Variants in ANAPC10 observed in about 807,000 individuals in gnomAD.
ANAPC10 encodes the protein anaphase promoting complex subunit 10.
A neutral mutation model predicts 22.0 loss-of-function variants in ANAPC10; 12 were observed. That is an observed-to-expected ratio of 0.55 (90% CI 0.35 to 0.88). The LOEUF is 0.88. Ranked by LOEUF, ANAPC10 falls within the 40% of genes least tolerant of loss-of-function variation. The pLI, the probability that ANAPC10 is intolerant of heterozygous loss-of-function variation, is 0.01. For missense variants in ANAPC10, 188 were observed against 220.9 expected (o/e 0.85, Z 0.94); for synonymous variants, 65 against 69.5 (o/e 0.94, Z 0.32).
intron 4 of ANAPC10, among the ~76,000 whole-genome samples, chr4:145,030,347 C>T (rs2081470): frequency 1.7e-4 from 26 of 152,170 alleles, no homozygotes; most frequent in Non-Finnish European, 2.9e-5. Context: ...CACTACATTA[C>T]CAACAATTTA....
chr4:145,019,297 C>A (rs888140041), intron 4 of ANAPC10, among the ~76,000 whole-genome samples: 2 of 152,100 alleles, frequency 1.3e-5, no homozygotes, highest in South Asian at 2.1e-4. Context: ...CCAAAAGGAA[C>A]CTTCAAAACA....
intron 4 of ANAPC10, among the ~76,000 whole-genome samples, chr4:145,010,692 G>A (rs1028449882): frequency 6.6e-6 from 1 of 151,980 alleles, no homozygotes; most frequent in East Asian, 1.9e-4. Flanking sequence ...GAAAGAGGGG[G>A]AGGGATAGCA....
At chr4:145,023,823 A>C (rs147513253) in intron 4 of ANAPC10, among the ~76,000 whole-genome samples, 1 of 152,154 alleles carries the variant, frequency 6.6e-6, no homozygotes, top group Non-Finnish European at 1.5e-5. Context: ...GAAATTTCTT[A>C]AAATAAGACA....
At position 144,995,207 on chromosome 4, in the gene ANAPC10, A is replaced by C. The variant is rs1242836638; in HGVS notation, c.*166T>G. 2.3e-6 allele frequency: 1 copy of C among 432,954 alleles called. No homozygotes were observed. The highest frequency in any genetic ancestry group is 4.0e-6 in the Non-Finnish European group (1 of 249,008). The allele number at this position is 432,954 out of a possible 1,614,324, so 26.8% of individuals were successfully genotyped here. A position where few individuals can be genotyped will look rare whatever the true frequency, so the allele number is the denominator to read the frequency against. The stretch of plus-strand genomic sequence containing the variant: ...GCTTTATTACATGTTAAAGAAAATA[A>C]AGATAATATGACCCCAAATTTATTT... On this transcript the variant is annotated 3_prime_UTR_variant, in exon 5 of 5. Transcript: ENST00000507656.
At chr4:145,012,634 A>C (rs1373766392) in intron 4 of ANAPC10, among the ~76,000 whole-genome samples, 1 of 152,206 alleles carries the variant, frequency 6.6e-6, no homozygotes, top group Non-Finnish European at 1.5e-5. Context: ...ATCTGAATAG[A>C]ATGACATTTA....
chr4:145,088,078 T>C (rs1056502983), intron 2 of ANAPC10, among the ~76,000 whole-genome samples: 7 of 151,982 alleles, frequency 4.6e-5, no homozygotes, highest in African/African-American at 1.5e-4. Context: ...AAATGAAGAA[T>C]TAACTAACTT....
chr4:144,995,266 A>G lies in ANAPC10; in HGVS notation c.*107T>C, dbSNP rs1731444829. The G allele has an allele frequency of 1.7e-6, 1 of 596,944 alleles. No individual in the cohort carries two copies. The highest frequency in any genetic ancestry group is 1.9e-5 in the African/African-American group (1 of 52,648). The allele number at this position is 596,944 out of a possible 1,614,324, so 37.0% of individuals were successfully genotyped here. The stretch of plus-strand genomic sequence containing the variant: ...TACAATAAAATATTTTTAAACATAT[A>G]CAAAATTAGATATAACGGATGCCTT... On this transcript the variant is annotated 3_prime_UTR_variant, in exon 5 of 5. Coordinates refer to ENST00000507656, the MANE Select transcript of ANAPC10 (RefSeq NM_001256706.2).
chr4:145,024,691 T>C (rs533839518), intron 4 of ANAPC10, among the ~76,000 whole-genome samples: 226 of 152,308 alleles, frequency 1.5e-3, no homozygotes, highest in Non-Finnish European at 2.6e-3. Context: ...CTTCCATTTA[T>C]AGCACATGAG....
intron 2 of ANAPC10, among the ~76,000 whole-genome samples, chr4:145,084,275 T>C (rs1191489273): frequency 6.6e-6 from 1 of 152,194 alleles, no homozygotes; most frequent in African/African-American, 2.4e-5. Flanking sequence ...AGTTTTGCAT[T>C]GAATTTCAAA....
intron 2 of ANAPC10, among the ~76,000 whole-genome samples, chr4:145,094,838 C>T (rs1427132953): frequency 6.6e-6 from 1 of 151,172 alleles, no homozygotes; most frequent in African/African-American, 2.4e-5. Context: ...CCTTTATATC[C>T]ACAACATGGC....
intron 4 of ANAPC10, among the ~76,000 whole-genome samples, chr4:145,010,089 C>T (rs991477174): frequency 4.6e-5 from 7 of 152,056 alleles, no homozygotes; most frequent in South Asian, 4.1e-4. Context: ...TCATCACTGG[C>T]CATCAGAGAA....
rs193006390 is a variant in ANAPC10, at chr4:145,031,124, C to T, written c.327+33448G>A. Among the ~76,000 whole-genome samples the T allele has an allele frequency of 9.2e-5, 14 of 152,310 alleles. 1 individual carries two copies. Among genetic ancestry groups the T allele is most frequent in the Admixed American group, 9.2e-4 (14 of 15,294 alleles). On this transcript the variant is annotated intron_variant, in intron 4 of 4. Transcript: ENST00000507656. ...ATTTGCCTTCAGCTAGCAAGGCCAG[C>T]AATTTACCTTACTGTCCTACCTCAC...
intron 4 of ANAPC10, among the ~76,000 whole-genome samples, chr4:145,040,020 A>T (rs532927105): frequency 6.6e-6 from 1 of 152,304 alleles, no homozygotes; most frequent in South Asian, 2.1e-4. Context: ...ATGCTCTTGG[A>T]TCTTTAACAA....
At chr4:145,000,439 A>G (rs1465721195) in intron 4 of ANAPC10, among the ~76,000 whole-genome samples, 16 of 152,382 alleles carry the variant, frequency 1.0e-4, no homozygotes, top group African/African-American at 3.4e-4. Flanking sequence ...GCCAACACAC[A>G]CTAAAACATG....
At chr4:145,026,362 G>A (rs1191589943) in intron 4 of ANAPC10, among the ~76,000 whole-genome samples, 1 of 152,148 alleles carries the variant, frequency 6.6e-6, no homozygotes, top group East Asian at 1.9e-4. Context: ...TGATGTTCTA[G>A]TAATAAACGT....
chr4:145,028,585 T>C (rs1737086403), intron 4 of ANAPC10, among the ~76,000 whole-genome samples: 1 of 152,186 alleles, frequency 6.6e-6, no homozygotes, highest in South Asian at 2.1e-4. Flanking sequence ...GGTTGTTTCA[T>C]TGGTTTTGAG....
intron 4 of ANAPC10, among the ~76,000 whole-genome samples, chr4:145,058,012 A>G (rs182478977): frequency 6.6e-6 from 1 of 152,116 alleles, no homozygotes; most frequent in Non-Finnish European, 1.5e-5. Flanking sequence ...TCCCATGATT[A>G]AGCTGTGTTG....
intron 4 of ANAPC10, among the ~76,000 whole-genome samples, chr4:145,050,736 C>T (rs1740983378): frequency 6.6e-6 from 1 of 152,198 alleles, no homozygotes; most frequent in African/African-American, 2.4e-5. Flanking sequence ...CATGAACCAA[C>T]CTCGGCTAGT....
At chr4:145,082,159 A>AT (rs1207368796) in intron 2 of ANAPC10, among the ~76,000 whole-genome samples, 4 of 152,088 alleles carry the variant, frequency 2.6e-5, no homozygotes, top group African/African-American at 9.7e-5. Context: ...GAGATATTAT[A>AT]TTTTTTTGAG....
Sources: gnomAD v4.1 joint callset for allele counts (sites outside exome capture counted in the v4.1 genomes callset) on GRCh38, gnomAD v4.1.1 for gene constraint, MANE v1.5 for transcripts, NCBI Gene and HGNC (gene_info 2026-07-23, HGNC 2026-07-21) for gene names.